KCNMA1: variants seen among roughly 807,000 people sequenced by gnomAD.
KCNMA1 encodes the protein potassium calcium-activated channel subfamily M alpha 1, also known as Calcium-activated potassium channel subunit alpha-1.
A neutral mutation model predicts 140.0 loss-of-function variants in KCNMA1; 29 were observed. That is an observed-to-expected ratio of 0.21 (90% CI 0.15 to 0.28). The LOEUF is 0.28. Among genes scored for constraint, KCNMA1 ranks in the 10% least tolerant of loss-of-function variants. The probability of loss-of-function intolerance (pLI) is 1.00; values close to 1 mark genes in which losing one functional copy is unlikely to be tolerated. For missense variants in KCNMA1, 880 were observed against 1,602.2 expected (o/e 0.55, Z 7.70); for synonymous variants, 612 against 611.9 (o/e 1.00, Z 0.00).
intron 2 of KCNMA1, among the ~76,000 whole-genome samples, chr10:77,281,061 G>A (rs2068387748): frequency 2.0e-5 from 3 of 152,136 alleles, no homozygotes; most frequent in African/African-American, 4.8e-5. Context: ...AAATAGGGGT[G>A]TAGATCTCCG....
At chr10:76,887,600 G>T in intron 27 of KCNMA1, 85 bp from the exon 28 acceptor site, 1 of 1,497,668 alleles carries the variant, frequency 6.7e-7, no homozygotes, top group African/African-American at 1.4e-5. Context: ...CAATGGCCTG[G>T]TTACTCAGGA....
At chr10:76,984,623 G>T (rs770205674) in intron 19 of KCNMA1, among the ~76,000 whole-genome samples, 3 of 152,050 alleles carry the variant, frequency 2.0e-5, no homozygotes, top group Admixed American at 6.6e-5. Flanking sequence ...GAAGCCTATG[G>T]GATTAATTTG....
At chr10:77,631,064 G>A (rs996445482) in intron 1 of KCNMA1, among the ~76,000 whole-genome samples, 1 of 130,010 alleles carries the variant, frequency 7.7e-6, no homozygotes, top group Non-Finnish European at 1.5e-5. Context: ...CAGTGATCAT[G>A]CCACTGTACT....
intron 1 of KCNMA1, among the ~76,000 whole-genome samples, chr10:77,463,972 T>C (rs2097927224): frequency 6.6e-6 from 1 of 152,122 alleles, no homozygotes; most frequent in South Asian, 2.1e-4. Flanking sequence ...ACCAGCGGCA[T>C]CTGCATCACC....
chr10:77,157,285 AC>A (rs2098498981), intron 5 of KCNMA1, among the ~76,000 whole-genome samples: 1 of 152,200 alleles, frequency 6.6e-6, no homozygotes, highest in South Asian at 2.1e-4. Flanking sequence ...GCTAAAAAAT[AC>A]AAAAAATTAG....
chr10:77,099,359 T>C (rs61866988), intron 9 of KCNMA1, among the ~76,000 whole-genome samples: 9,067 of 152,218 alleles, frequency 0.06, 384 homozygotes, highest in Non-Finnish European at 0.091. Context: ...CACCCAACGG[T>C]GTTGCCACAG....
At chr10:77,069,559 G>A (rs2096106601) in intron 14 of KCNMA1, among the ~76,000 whole-genome samples, 1 of 152,148 alleles carries the variant, frequency 6.6e-6, no homozygotes, top group African/African-American at 2.4e-5. Context: ...GCAGTAGTTA[G>A]CAAAGTTAAG....
At chr10:77,530,516 C>T (rs1018402893) in intron 1 of KCNMA1, among the ~76,000 whole-genome samples, 1 of 152,226 alleles carries the variant, frequency 6.6e-6, no homozygotes, top group Non-Finnish European at 1.5e-5. Flanking sequence ...ATCTTGTCCA[C>T]ATTCACTTAG....
chr10:77,205,637 C>A (rs1211533531), intron 3 of KCNMA1, among the ~76,000 whole-genome samples: 2 of 152,118 alleles, frequency 1.3e-5, no homozygotes, highest in African/African-American at 4.8e-5. Flanking sequence ...ATAGTTTTTA[C>A]TCCATGCTGC....
chr10:77,419,043 T>A (rs1254414121), intron 1 of KCNMA1, among the ~76,000 whole-genome samples: 1 of 152,160 alleles, frequency 6.6e-6, no homozygotes, highest in Non-Finnish European at 1.5e-5. Flanking sequence ...AGGCTGTTGT[T>A]AGTGCCGCCA....
At chr10:76,880,724 A>T (rs1702238041), downstream of KCNMA1, among the ~76,000 whole-genome samples, 1 of 152,204 alleles carries the variant, frequency 6.6e-6, no homozygotes, top group African/African-American at 2.4e-5. Flanking sequence ...TGGCTACAAA[A>T]TTGACCACGA....
intron 3 of KCNMA1, among the ~76,000 whole-genome samples, chr10:77,196,690 G>A (rs750846407): frequency 1.3e-5 from 2 of 152,066 alleles, no homozygotes; most frequent in South Asian, 2.1e-4. Flanking sequence ...AGAAGCATTC[G>A]GCTTTGTTTC....
intron 14 of KCNMA1, among the ~76,000 whole-genome samples, chr10:77,065,762 T>C (rs938734106): frequency 2.6e-5 from 4 of 152,234 alleles, no homozygotes; most frequent in East Asian, 3.8e-4. Context: ...ATTTATTACA[T>C]GCACACTTTT....
At chr10:77,327,284 A>G (rs2084561686) in intron 2 of KCNMA1, among the ~76,000 whole-genome samples, 1 of 151,270 alleles carries the variant, frequency 6.6e-6, no homozygotes, top group African/African-American at 2.4e-5. Context: ...CTTCTTGTCT[A>G]GACAAGCTTG....
In KCNMA1 at chr10:76,887,216, G is replaced by A. The variant is rs200326097; in HGVS notation, c.*50C>T. On this transcript the variant is annotated 3_prime_UTR_variant, in exon 28 of 28. Coordinates refer to ENST00000286628, the MANE Select transcript of KCNMA1 (RefSeq NM_001161352.2). ...GTTACTTTGTTGGAAACACCAACTG[G>A]GGAAATGAGTGGCAGATACAGTTTC... 107 of 1,613,496 alleles carry A rather than the reference G, an allele frequency of 6.6e-5. No individual in the cohort carries two copies. Among genetic ancestry groups the A allele is most frequent in the Non-Finnish European group, 8.6e-5 (101 of 1,179,964 alleles).
chr10:77,068,852 AACACACACACACACACACACACACAC>A (rs147592319), intron 14 of KCNMA1, among the ~76,000 whole-genome samples: 272 of 133,830 alleles, frequency 2.0e-3, no homozygotes, highest in African/African-American at 7.3e-3. Context: ...TCACCCTCTA[AACACACACACACACACACACACACAC>A]ACACACACAC....
chr10:77,569,267 C>T (rs1428746921), intron 1 of KCNMA1, among the ~76,000 whole-genome samples: 2 of 86,932 alleles, frequency 2.3e-5, no homozygotes, highest in South Asian at 5.6e-4. Context: ...AAAAAGAGCC[C>T]GCATTGCCAA....
intron 1 of KCNMA1, among the ~76,000 whole-genome samples, chr10:77,481,512 C>A (rs905811400): frequency 6.6e-6 from 1 of 151,764 alleles, no homozygotes; most frequent in Non-Finnish European, 1.5e-5. Flanking sequence ...CGATGGCTCA[C>A]GCCTATAATC....
intron 2 of KCNMA1, among the ~76,000 whole-genome samples, chr10:77,398,115 A>G (rs1239765401): frequency 6.6e-6 from 1 of 150,610 alleles, no homozygotes; most frequent in Non-Finnish European, 1.5e-5. Context: ...CCACTGATGG[A>G]CCCTTGGGTT....
Sources: allele counts gnomAD v4.1 joint callset (sites outside exome capture counted in the v4.1 genomes callset), GRCh38; gene constraint gnomAD v4.1.1; transcripts MANE v1.5; gene names NCBI Gene and HGNC (gene_info 2026-07-23, HGNC 2026-07-21).